Variants in ATP9B observed in about 807,000 individuals in gnomAD.
The protein encoded by ATP9B is ATPase phospholipid transporting 9B.
Under a neutral mutation model 146.1 loss-of-function variants are expected in ATP9B, and 110 were observed. The observed-to-expected ratio is 0.75, with a 90% CI of 0.65 to 0.88. The LOEUF (loss-of-function observed/expected upper bound fraction) is 0.88, where lower values mean the gene tolerates loss of function less well. Ranked by LOEUF, ATP9B falls within the 40% of genes least tolerant of loss-of-function variation. The pLI is 0.00. For missense variants in ATP9B, 1,499 were observed against 1,496.4 expected (o/e 1.00, Z -0.03); for synonymous variants, 604 against 569.7 (o/e 1.06, Z -0.86).
intron 2 of ATP9B, among the ~76,000 whole-genome samples, chr18:79,099,152 G>A (rs1038938213): frequency 9.9e-5 from 15 of 151,938 alleles, no homozygotes; most frequent in Admixed American, 3.3e-4. Context: ...CTAAAAATAG[G>A]TGCATTTAAG....
chr18:79,287,912 T>C lies in ATP9B; in HGVS notation c.1411+10716T>C, dbSNP rs529055583. Among the ~76,000 whole-genome samples, 6 of 150,968 alleles carry C rather than the reference T, an allele frequency of 4.0e-5. No homozygotes were observed. In the East Asian group the frequency reaches 9.7e-4, roughly 24 times the overall value. ...TCAGGAGCAGGTTGTTCAGTTTCCA[T>C]GTAGTTGAGCGGTTTTGAGTGAGTT... On this transcript the variant is annotated intron_variant, in intron 13 of 29. Transcript: ENST00000426216.
intron 9 of ATP9B, among the ~76,000 whole-genome samples, chr18:79,200,726 G>GAAC (rs1433463736): frequency 1.5e-4 from 23 of 151,962 alleles, no homozygotes; most frequent in Non-Finnish European, 2.7e-4. Flanking sequence ...GTGGAGGTGG[G>GAAC]GACTGTCGGG....
At chr18:79,210,934 T>G (rs978548070) in intron 10 of ATP9B, among the ~76,000 whole-genome samples, 10 of 152,246 alleles carry the variant, frequency 6.6e-5, no homozygotes, top group Non-Finnish European at 1.3e-4. Flanking sequence ...ATCATTTTGA[T>G]TTGATAACTT....
At chr18:79,190,511 TACACACAC>T (rs68063845) in intron 8 of ATP9B, among the ~76,000 whole-genome samples, 36 of 143,668 alleles carry the variant, frequency 2.5e-4, no homozygotes, top group Admixed American at 6.2e-4. Flanking sequence ...TTTTTATTTA[TACACACAC>T]ACACACACAC....
intron 2 of ATP9B, among the ~76,000 whole-genome samples, chr18:79,109,565 T>G (rs1343097906): frequency 9.6e-6 from 1 of 103,936 alleles, no homozygotes; most frequent in Non-Finnish European, 1.9e-5. Context: ...TTGAGCTGTC[T>G]TTTTTTTTTT....
intron 11 of ATP9B, among the ~76,000 whole-genome samples, chr18:79,248,667 G>A (rs1045786263): frequency 2.6e-5 from 4 of 152,208 alleles, no homozygotes; most frequent in Admixed American, 2.6e-4. Context: ...TGTCAGAGTC[G>A]AGGCTTTTCA....
Position 79,198,664 on chromosome 18 carries a change from G to A in ATP9B, c.954+5401G>A, listed in dbSNP as rs542054899. Among the ~76,000 whole-genome samples, 4 of 152,328 alleles carry A rather than the reference G, an allele frequency of 2.6e-5. No individual in the cohort carries two copies. In the South Asian group the frequency reaches 8.3e-4, roughly 32 times the overall value. ...GTTACTGTGTTTAATAATGTGGGCA[G>A]TTGTCACACAATGATAAGTATCTGT... On this transcript the variant is annotated intron_variant, in intron 9 of 29. Transcript: ENST00000426216.
intron 18 of ATP9B, 152 bp from the exon 19 acceptor site, chr18:79,337,127 C>G (rs2096831806): frequency 9.2e-7 from 1 of 1,086,372 alleles, no homozygotes; most frequent in Non-Finnish European, 1.3e-6. Context: ...ACAGCCCATG[C>G]AGTCCAGCTC....
intron 26 of ATP9B, 117 bp downstream of exon 26, chr18:79,359,579 T>A: frequency 2.6e-6 from 2 of 775,126 alleles, no homozygotes; most frequent in South Asian, 3.0e-5. Flanking sequence ...AAAACGATTC[T>A]CTGTCCTTGA....
At chr18:79,070,118 C>T (rs189140535) in intron 1 of ATP9B, among the ~76,000 whole-genome samples, 1 of 152,274 alleles carries the variant, frequency 6.6e-6, no homozygotes, top group African/African-American at 2.4e-5. Context: ...CACAGGTTAG[C>T]AGTAGAATTA....
intron 10 of ATP9B, among the ~76,000 whole-genome samples, chr18:79,208,902 TG>T (rs2095559174): frequency 6.6e-6 from 1 of 152,186 alleles, no homozygotes; most frequent in Admixed American, 6.5e-5. Flanking sequence ...AGGACTCTTC[TG>T]GGGTGGACAA....
intron 11 of ATP9B, among the ~76,000 whole-genome samples, chr18:79,247,758 C>CA (rs889329084): frequency 1.1e-4 from 17 of 152,078 alleles, no homozygotes; most frequent in South Asian, 1.0e-3. Flanking sequence ...CTTATTTATA[C>CA]AAAAAATATA....
chr18:79,356,691 A>T (rs1168451292), intron 25 of ATP9B, among the ~76,000 whole-genome samples: 1 of 144,706 alleles, frequency 6.9e-6, no homozygotes, highest in African/African-American at 2.5e-5. Flanking sequence ...TCTTGAAATG[A>T]CCAGATTAGA....
intron 1 of ATP9B, among the ~76,000 whole-genome samples, chr18:79,079,793 G>A (rs1161701704): frequency 2.0e-5 from 3 of 152,148 alleles, no homozygotes; most frequent in African/African-American, 7.2e-5. Context: ...TTACGTTTAC[G>A]TCTTTAAGCC....
chr18:79,186,004 G>A (rs888410086), intron 8 of ATP9B, among the ~76,000 whole-genome samples: 1 of 152,178 alleles, frequency 6.6e-6, no homozygotes. Flanking sequence ...GTAATGGCAG[G>A]TGCAGTTTCT....
intron 8 of ATP9B, among the ~76,000 whole-genome samples, chr18:79,189,346 A>G (rs79839798): frequency 6.6e-6 from 1 of 150,688 alleles, no homozygotes; most frequent in Non-Finnish European, 1.5e-5. Flanking sequence ...GACTCCATCA[A>G]AAAAAAAAGA....
intron 5 of ATP9B, among the ~76,000 whole-genome samples, chr18:79,143,253 TGTTTC>T (rs2094535707): frequency 6.6e-6 from 1 of 152,230 alleles, no homozygotes; most frequent in Non-Finnish European, 1.5e-5. Context: ...CTACATTAGA[TGTTTC>T]GTAGATAAGA....
chr18:79,267,951 A>C (rs2096220025), intron 12 of ATP9B, among the ~76,000 whole-genome samples: 1 of 152,046 alleles, frequency 6.6e-6, no homozygotes, highest in Non-Finnish European at 1.5e-5. Flanking sequence ...AAAATCTCTC[A>C]TCATTATTGT....
chr18:79,283,869 G>C (rs994222522), intron 13 of ATP9B, among the ~76,000 whole-genome samples: 3 of 152,178 alleles, frequency 2.0e-5, no homozygotes, highest in African/African-American at 7.2e-5. Context: ...ATTGTTTAAA[G>C]AACAATGCTG....
Sources: allele counts gnomAD v4.1 joint callset (sites outside exome capture counted in the v4.1 genomes callset), GRCh38; gene constraint gnomAD v4.1.1; transcripts MANE v1.5; gene names NCBI Gene and HGNC (gene_info 2026-07-23, HGNC 2026-07-21).